Variants in ABCB5 observed in about 807,000 individuals in gnomAD.
ABCB5 encodes ATP-binding cassette sub-family B member 5.
ABCB5 carries 155 observed loss-of-function variants against 144.2 expected under a neutral mutation model. That is an observed-to-expected ratio of 1.08 (90% confidence interval 0.94 to 1.23). The LOEUF is 1.23. Among genes scored for constraint, ABCB5 ranks in the 50% most tolerant of loss-of-function variants. ABCB5 has a pLI of 0.00. For missense variants in ABCB5, 1,830 were observed against 1,520.8 expected (o/e 1.20, Z -3.38); for synonymous variants, 610 against 528.6 (o/e 1.15, Z -2.11).
intron 21 of ABCB5, among the ~76,000 whole-genome samples, chr7:20,724,061 T>A (rs991723539): frequency 6.6e-6 from 1 of 152,068 alleles, no homozygotes; most frequent in Non-Finnish European, 1.5e-5. Context: ...TTGCACAACA[T>A]CCCTGTCAAG....
At chr7:20,663,693 A>G (rs1034679669) in intron 14 of ABCB5, among the ~76,000 whole-genome samples, 1 of 147,478 alleles carries the variant, frequency 6.8e-6, no homozygotes. Context: ...TGTGATTAAG[A>G]TTGCAAATTT....
intron 5 of ABCB5, among the ~76,000 whole-genome samples, chr7:20,640,168 A>C (rs1784263094): frequency 6.6e-6 from 1 of 152,224 alleles, no homozygotes. Context: ...ATCCTTGAAT[A>C]GTCCCTCTTA....
chr7:20,657,966 T>C (rs1784865138), intron 13 of ABCB5, among the ~76,000 whole-genome samples: 1 of 152,142 alleles, frequency 6.6e-6, no homozygotes, highest in Admixed American at 6.6e-5. Flanking sequence ...AAATATCTAC[T>C]TTGTTAAAGA....
rs549083232 is a variant in ABCB5 at position 20,688,729 on chromosome 7, T to A, written c.2010+2893T>A. Among the ~76,000 whole-genome samples, 764 of 152,222 alleles carry A rather than the reference T, an allele frequency of 5.0e-3. 3 individuals are homozygous for A. The highest frequency in any genetic ancestry group is 0.018 in the African/African-American group (733 of 41,524). On this transcript the variant is annotated intron_variant, in intron 16 of 27. Transcript: ENST00000404938. ...GACTTGGAACCAACCCAAATGCCCATCAATGATAGACTGGATTAAGAAAAT... is the reference window on the plus strand; with the variant it reads ...GACTTGGAACCAACCCAAATGCCCAACAATGATAGACTGGATTAAGAAAAT...
chr7:20,653,631 T>C (rs1321996102), intron 13 of ABCB5, among the ~76,000 whole-genome samples: 1 of 152,172 alleles, frequency 6.6e-6, no homozygotes, highest in Non-Finnish European at 1.5e-5. Context: ...ATGAATTCTG[T>C]CTGGGAACAC....
chr7:20,688,296 G>T (rs188073653), intron 16 of ABCB5, among the ~76,000 whole-genome samples: 86 of 152,298 alleles, frequency 5.6e-4, no homozygotes, highest in African/African-American at 2.0e-3. Context: ...GTTAATGGGA[G>T]TTCTATTAGT....
chr7:20,708,253 T>A (rs1786889448), intron 20 of ABCB5, among the ~76,000 whole-genome samples: 1 of 152,118 alleles, frequency 6.6e-6, no homozygotes. Flanking sequence ...CAGTTTTAGG[T>A]TGAATTAAGA....
rs111890680 is a variant in ABCB5, at chr7:20,645,690, C to T, written c.679-66C>T. ...TACTTAGAATTCAAATTCTGCCTGACTTAAATGTTCAGAACATTATTACTA... is the reference window on the plus strand; with the variant it reads ...TACTTAGAATTCAAATTCTGCCTGATTTAAATGTTCAGAACATTATTACTA... On this transcript the variant is annotated intron_variant, in intron 7 of 27. Coordinates refer to ENST00000404938, the MANE Select transcript of ABCB5 (RefSeq NM_001163941.2). 5,079 of 1,556,228 alleles carry T rather than the reference C, an allele frequency of 3.3e-3. 12 individuals carry two copies. The highest frequency in any genetic ancestry group is 4.5e-3 in the Middle Eastern group (26 of 5,840).
At chr7:20,642,427 T>C (rs930373275) in intron 5 of ABCB5, among the ~76,000 whole-genome samples, 2 of 152,230 alleles carry the variant, frequency 1.3e-5, no homozygotes, top group Non-Finnish European at 1.5e-5. Flanking sequence ...GAAACTTTTC[T>C]TGACCACTCT....
chr7:20,688,972 TGGGGAGAG>T (rs1016798408), intron 16 of ABCB5, among the ~76,000 whole-genome samples: 6 of 148,394 alleles, frequency 4.0e-5, no homozygotes, highest in African/African-American at 1.2e-4. Flanking sequence ...TGTGGTGGGG[TGGGGAGAG>T]GGGGGAGGGA....
chr7:20,678,466 T>G (rs776088335), intron 14 of ABCB5, among the ~76,000 whole-genome samples: 3 of 152,194 alleles, frequency 2.0e-5, no homozygotes, highest in Non-Finnish European at 4.4e-5. Flanking sequence ...AGTTCCATTT[T>G]CCTGCTCTAT....
rs745873483 is a variant in ABCB5 at position 20,658,569 on chromosome 7, G to A, written c.1600G>A (p.Ala534Thr). 6.2e-6 allele frequency: 10 copies of A among 1,614,038 alleles called. No individual in the cohort carries two copies. Among genetic ancestry groups the A allele is most frequent in the African/African-American group, 1.3e-5 (1 of 74,922 alleles). ...QMSGGQKQRI[A>T]IARALVRNPK... ...GAGTGGAGGGCAGAAACAGAGGATCGCAATTGCTCGTGCCTTAGTTCGAAA... is the reference window on the plus strand; with the variant it reads ...GAGTGGAGGGCAGAAACAGAGGATCACAATTGCTCGTGCCTTAGTTCGAAA... The change falls in exon 14 of 28, where the codon GCA (alanine) becomes ACA (threonine). Residue 534 changes from alanine (A) to threonine (T), a missense_variant. Ala to Thr is a moderately conservative substitution (Grantham distance 58). Transcript: ENST00000404938.
intron 20 of ABCB5, among the ~76,000 whole-genome samples, chr7:20,708,532 T>C (rs935032134): frequency 6.6e-6 from 1 of 152,172 alleles, no homozygotes; most frequent in Non-Finnish European, 1.5e-5. Context: ...ATCTTGGCCT[T>C]GAATTCATAA....
intron 14 of ABCB5, chr7:20,667,249 A>G (rs943753489): frequency 2.0e-6 from 2 of 977,474 alleles, no homozygotes; most frequent in African/African-American, 3.5e-5. Flanking sequence ...TTAGGCCAGG[A>G]GCCTGGCAAA....
At chr7:20,669,090 C>T (rs369504554) in intron 14 of ABCB5, among the ~76,000 whole-genome samples, 4 of 134,742 alleles carry the variant, frequency 3.0e-5, no homozygotes, top group Admixed American at 7.4e-5. Context: ...CCGCCCCGTC[C>T]GGGAGGATGG....
intron 12 of ABCB5, 94 bp downstream of exon 12, chr7:20,650,241 T>G (rs1784540660): frequency 6.8e-7 from 1 of 1,477,958 alleles, no homozygotes; most frequent in Non-Finnish European, 9.1e-7. Flanking sequence ...TTTTCAACAG[T>G]AGAGCTGGGA....
intron 20 of ABCB5, among the ~76,000 whole-genome samples, chr7:20,722,557 T>C (rs1389412211): frequency 6.6e-6 from 1 of 152,174 alleles, no homozygotes; most frequent in Non-Finnish European, 1.5e-5. Flanking sequence ...AAAAATAAAG[T>C]ATAATATTTC....
At position 20,643,595 on chromosome 7, in the gene ABCB5, C is replaced by T. The variant is rs979921037; in HGVS notation, c.641C>T (p.Ser214Phe). 6.2e-7 allele frequency: 1 copy of T among 1,613,944 alleles called. No homozygotes were observed. The highest frequency in any genetic ancestry group is 8.5e-7 in the Non-Finnish European group (1 of 1,179,880). Residue 214 changes from serine to phenylalanine, a missense_variant, in exon 7 of 28, where the codon TCT (serine) becomes TTT (phenylalanine). Ser to Phe is a radical substitution (Grantham distance 155, BLOSUM62 -2). Transcript: ENST00000404938. ...CTCACCCTAGTGACTCTATCCACGT[C>T]TCCTCTTATAATGGCTTCAGCGGCA... ...WKLTLVTLST[S>F]PLIMASAAAC...
chr7:20,741,091 A>G (rs1782547356), intron 24 of ABCB5, among the ~76,000 whole-genome samples: 1 of 149,550 alleles, frequency 6.7e-6, no homozygotes, highest in African/African-American at 2.5e-5. Flanking sequence ...TGACAGAGCG[A>G]GACTCCTTCT....
Sources: allele counts gnomAD v4.1 joint callset (sites outside exome capture counted in the v4.1 genomes callset), GRCh38; gene constraint gnomAD v4.1.1; transcripts MANE v1.5; gene names NCBI Gene and HGNC (gene_info 2026-07-23, HGNC 2026-07-21).